The following TEAD1 variants were observed in gnomAD, a reference collection of about 807,000 sequenced individuals.
TEAD1 encodes TEA domain transcription factor 1.
A neutral mutation model predicts 54.9 loss-of-function variants in TEAD1; 9 were observed. That is an observed-to-expected ratio of 0.16 (90% CI 0.10 to 0.29). The LOEUF is 0.29. Among genes scored for constraint, TEAD1 ranks in the 10% least tolerant of loss-of-function variants. The probability of loss-of-function intolerance (pLI) is 1.00; values close to 1 mark genes in which losing one functional copy is unlikely to be tolerated. For synonymous variants in TEAD1, 200 were observed against 187.8 expected, an observed-to-expected ratio of 1.07 and a Z score of -0.53; for missense variants, 387 against 535.9, an observed-to-expected ratio of 0.72 and a Z score of 2.74.
intron 3 of TEAD1, among the ~76,000 whole-genome samples, chr11:12,821,794 G>A (rs1946550688): frequency 6.6e-6 from 1 of 151,914 alleles, no homozygotes; most frequent in South Asian, 2.1e-4. Context: ...TGATATGAAT[G>A]CTTTTATCAA....
intron 5 of TEAD1, 55 bp from the exon 6 acceptor site, chr11:12,879,653 C>A (rs1295087689): frequency 6.2e-7 from 1 of 1,613,220 alleles, no homozygotes; most frequent in Admixed American, 1.7e-5. Flanking sequence ...CCTGTGTAAC[C>A]TGCCTGGTAG....
chr11:12,750,575 A>C (rs1178302934), intron 2 of TEAD1, among the ~76,000 whole-genome samples: 1 of 152,076 alleles, frequency 6.6e-6, no homozygotes, highest in Non-Finnish European at 1.5e-5. Context: ...AGACACACAC[A>C]CGTACACCTT....
rs189875069 is a variant in TEAD1 at position 12,776,613 on chromosome 11, C to G, written c.202+12179C>G. Among the ~76,000 whole-genome samples, 995 of 151,950 alleles carry G rather than the reference C, an allele frequency of 6.5e-3. 2 individuals are homozygous for G. The highest frequency in any genetic ancestry group is 0.048 in the Middle Eastern group (14 of 292). On this transcript the variant is annotated intron_variant, in intron 3 of 12. Transcript: ENST00000527636. ...TTTTAATTATAATAAAATAAACTTG[C>G]AATCCGAATGTGTTTGATCGGCTTG...
intron 2 of TEAD1, among the ~76,000 whole-genome samples, chr11:12,677,056 T>G (rs1943109390): frequency 6.6e-6 from 1 of 151,952 alleles, no homozygotes; most frequent in Non-Finnish European, 1.5e-5. Flanking sequence ...GTAAAGAAAA[T>G]TATAGGGAAG....
chr11:12,831,608 T>A (rs1191674902), intron 3 of TEAD1, among the ~76,000 whole-genome samples: 1 of 152,122 alleles, frequency 6.6e-6, no homozygotes, highest in East Asian at 1.9e-4. Context: ...TGAGACCTTA[T>A]CTCTACAAAC....
At chr11:12,914,262 AG>A (rs1948670391) in intron 10 of TEAD1, among the ~76,000 whole-genome samples, 1 of 152,216 alleles carries the variant, frequency 6.6e-6, no homozygotes, top group South Asian at 2.1e-4. Flanking sequence ...AAATTCAAAT[AG>A]GGGTGCCAAT....
Position 12,916,947 on chromosome 11 carries a change from C to G in TEAD1, c.874-7965C>G, listed in dbSNP as rs112869649. Among the ~76,000 whole-genome samples, 4 of 152,002 alleles carry G rather than the reference C, an allele frequency of 2.6e-5. No individual in the cohort carries two copies. In the South Asian group the frequency reaches 8.3e-4, roughly 32 times the overall value. ...GAAGTGTTCTTCGGTCTGTGGTACC[C>G]GAAGTTCTGGATGGAAGTTACAGAG... On this transcript the variant is annotated intron_variant, in intron 10 of 12. Transcript: ENST00000527636.
intron 3 of TEAD1, among the ~76,000 whole-genome samples, chr11:12,846,570 A>G (rs145575803): frequency 2.4e-4 from 36 of 152,096 alleles, no homozygotes; most frequent in African/African-American, 8.2e-4. Context: ...TGTTGACTGT[A>G]TATATTCCTT....
At chr11:12,872,509 A>G (rs1947771667) in intron 5 of TEAD1, among the ~76,000 whole-genome samples, 1 of 152,238 alleles carries the variant, frequency 6.6e-6, no homozygotes, top group African/African-American at 2.4e-5. Context: ...TAACTGAACG[A>G]AAACTAAGAT....
chr11:12,896,157 T>A (rs945412104), intron 9 of TEAD1, among the ~76,000 whole-genome samples: 1 of 152,214 alleles, frequency 6.6e-6, no homozygotes, highest in African/African-American at 2.4e-5. Flanking sequence ...GGTGTATGGT[T>A]GTCTTCTTAA....
intron 6 of TEAD1, 111 bp from the exon 7 acceptor site, chr11:12,880,894 G>T: frequency 8.2e-7 from 1 of 1,220,630 alleles, no homozygotes; most frequent in South Asian, 1.2e-5. Flanking sequence ...AAGCGATTCT[G>T]TTGGGTGATC....
At chr11:12,795,458 G>T (rs1945895559) in intron 3 of TEAD1, among the ~76,000 whole-genome samples, 1 of 152,160 alleles carries the variant, frequency 6.6e-6, no homozygotes, top group Non-Finnish European at 1.5e-5. Context: ...GCATACATGG[G>T]TGCAGGTTTA....
chr11:12,850,111 T>C (rs1274975736), intron 3 of TEAD1, among the ~76,000 whole-genome samples: 1 of 152,130 alleles, frequency 6.6e-6, no homozygotes, highest in Non-Finnish European at 1.5e-5. Context: ...AACGAAGACA[T>C]ATAAACCTGG....
chr11:12,925,364 G>A (rs773360851), intron 11 of TEAD1, among the ~76,000 whole-genome samples: 5 of 152,168 alleles, frequency 3.3e-5, no homozygotes, highest in Non-Finnish European at 5.9e-5. Context: ...AGAAAGGTGG[G>A]TGGGAACCAC....
At chr11:12,914,717 CTGCCTCTAGGGGCACTGT>C in intron 10 of TEAD1, among the ~76,000 whole-genome samples, 1 of 152,268 alleles carries the variant, frequency 6.6e-6, no homozygotes, top group Non-Finnish European at 1.5e-5. Context: ...CATGGCAGTG[CTGCCTCTAGGGGCACTGT>C]TGCCCCACAG....
intron 2 of TEAD1, among the ~76,000 whole-genome samples, chr11:12,692,691 C>T (rs1404770009): frequency 6.6e-6 from 1 of 152,156 alleles, no homozygotes; most frequent in African/African-American, 2.4e-5. Flanking sequence ...AACTCAGTTT[C>T]ACAAAGGGAA....
At chr11:12,723,575 C>CAAA (rs1944255297) in intron 2 of TEAD1, among the ~76,000 whole-genome samples, 1 of 152,090 alleles carries the variant, frequency 6.6e-6, no homozygotes, top group African/African-American at 2.4e-5. Context: ...CGGGGCTTTT[C>CAAA]CTCTTCTCCT....
chr11:12,915,845 G>GA (rs1033090239), intron 10 of TEAD1, among the ~76,000 whole-genome samples: 4 of 152,068 alleles, frequency 2.6e-5, no homozygotes, highest in Non-Finnish European at 2.9e-5. Flanking sequence ...CTCTGTCTCA[G>GA]AAAAAAGAAC....
intron 3 of TEAD1, among the ~76,000 whole-genome samples, chr11:12,824,436 A>C: frequency 6.6e-6 from 1 of 152,192 alleles, no homozygotes. Context: ...ACACCCAGCT[A>C]TGCCTCTTGC....
Sources: gnomAD v4.1 joint callset for allele counts (sites outside exome capture counted in the v4.1 genomes callset) on GRCh38, gnomAD v4.1.1 for gene constraint, MANE v1.5 for transcripts, NCBI Gene and HGNC (gene_info 2026-07-23, HGNC 2026-07-21) for gene names.